The following CPNE4 variants were observed in gnomAD, a reference collection of about 807,000 sequenced individuals.
The protein encoded by CPNE4 is copine-4.
A neutral mutation model predicts 67.9 loss-of-function variants in CPNE4; 25 were observed. The ratio of observed to expected loss-of-function variants is 0.37; its 90% confidence interval spans 0.27 to 0.51. The LOEUF (loss-of-function observed/expected upper bound fraction) is 0.51. Ranked by LOEUF, CPNE4 falls within the 20% of genes least tolerant of loss-of-function variation. The pLI, the probability that CPNE4 is intolerant of heterozygous loss-of-function variation, is 0.93. For missense variants in CPNE4, 464 were observed against 690.8 expected, an observed-to-expected ratio of 0.67 and a Z score of 3.68; for synonymous variants, 242 against 244.9, an observed-to-expected ratio of 0.99 and a Z score of 0.11.
At chr3:131,895,757 T>C (rs913732836) in intron 2 of CPNE4, among the ~76,000 whole-genome samples, 1 of 152,036 alleles carries the variant, frequency 6.6e-6, no homozygotes, top group Admixed American at 6.6e-5. Context: ...AACAAATAAT[T>C]GCAGTACCTC....
At chr3:131,661,348 T>A (rs1029581843) in intron 7 of CPNE4, among the ~76,000 whole-genome samples, 3 of 152,180 alleles carry the variant, frequency 2.0e-5, no homozygotes, top group Admixed American at 6.5e-5. Context: ...GGTTCTTAAT[T>A]TCCTCACCTG....
intron 1 of CPNE4, among the ~76,000 whole-genome samples, chr3:131,908,222 G>C (rs971002663): frequency 2.6e-5 from 4 of 152,070 alleles, no homozygotes; most frequent in African/African-American, 9.7e-5. Flanking sequence ...TTCAAATACA[G>C]AAAATGCACA....
intron 1 of CPNE4, among the ~76,000 whole-genome samples, chr3:131,921,357 C>G (rs1163081302): frequency 2.0e-5 from 3 of 152,140 alleles, no homozygotes; most frequent in Non-Finnish European, 4.4e-5. Context: ...GTCATAGATA[C>G]TCTCTCTTTA....
At chr3:131,625,276 T>G (rs1314957033) in intron 7 of CPNE4, among the ~76,000 whole-genome samples, 1 of 152,212 alleles carries the variant, frequency 6.6e-6, no homozygotes, top group African/African-American at 2.4e-5. Context: ...TCATCCCTTC[T>G]CCATTCTCTC....
At chr3:131,901,347 A>G (rs982740335) in intron 2 of CPNE4, among the ~76,000 whole-genome samples, 4 of 152,072 alleles carry the variant, frequency 2.6e-5, no homozygotes, top group Non-Finnish European at 5.9e-5. Context: ...AACTGTCACC[A>G]TATATTGCCA....
At chr3:131,830,935 CT>C (rs1163429308) in intron 2 of CPNE4, among the ~76,000 whole-genome samples, 1 of 151,996 alleles carries the variant, frequency 6.6e-6, no homozygotes, top group Non-Finnish European at 1.5e-5. Flanking sequence ...AAAGTCTTCC[CT>C]GAGGTTAACT....
intron 2 of CPNE4, among the ~76,000 whole-genome samples, chr3:131,779,739 A>G (rs1583185000): frequency 6.6e-6 from 1 of 152,162 alleles, no homozygotes; most frequent in African/African-American, 2.4e-5. Context: ...GCCCTAGAAG[A>G]AAACCTAGGA....
intron 2 of CPNE4, among the ~76,000 whole-genome samples, chr3:131,891,531 C>T (rs1042081744): frequency 6.6e-6 from 1 of 151,814 alleles, no homozygotes; most frequent in Non-Finnish European, 1.5e-5. Context: ...AGGTATTAAG[C>T]CTAGTACCCA....
At chr3:132,031,700 C>T (rs1036926177) in intron 1 of CPNE4, among the ~76,000 whole-genome samples, 3 of 152,110 alleles carry the variant, frequency 2.0e-5, no homozygotes, top group Non-Finnish European at 4.4e-5. Context: ...AAAGAATTTT[C>T]GAAGTGAAGT....
chr3:131,744,128 G>T (rs1247518270), intron 2 of CPNE4, among the ~76,000 whole-genome samples: 2 of 151,610 alleles, frequency 1.3e-5, no homozygotes, highest in African/African-American at 2.4e-5. Flanking sequence ...TAGCTAAAAT[G>T]ACTTTTATTT....
At chr3:131,791,340 C>A (rs1302989148) in intron 2 of CPNE4, among the ~76,000 whole-genome samples, 1 of 152,060 alleles carries the variant, frequency 6.6e-6, no homozygotes, top group East Asian at 1.9e-4. Context: ...AGTGATTCAT[C>A]AGCAAAAATT....
rs563786361 is a variant in CPNE4 at position 131,793,845 on chromosome 3, G to A, written c.181-70220C>T. 2.0e-5 allele frequency among the ~76,000 whole-genome samples: 3 copies of A among 152,288 alleles called. No individual in the cohort carries two copies. In the South Asian group the frequency reaches 6.2e-4, roughly 32 times the overall value. ...GTATACATGAGATTAGAGTCCTCAT[G>A]TCAGGAGTTACTCCTTGCATTCTCC... On this transcript the variant is annotated intron_variant, in intron 2 of 15. Transcript: ENST00000429747.
intron 2 of CPNE4, among the ~76,000 whole-genome samples, chr3:131,792,711 GTATATA>G: frequency 1.9e-5 from 2 of 103,720 alleles, no homozygotes; most frequent in Admixed American, 1.1e-4. Flanking sequence ...ACACACACGT[GTATATA>G]TGTATATATA....
intron 2 of CPNE4, among the ~76,000 whole-genome samples, chr3:131,884,594 T>C (rs543221862): frequency 9.2e-5 from 14 of 152,294 alleles, no homozygotes; most frequent in African/African-American, 2.9e-4. Flanking sequence ...GAAACTGATA[T>C]GGTTTGGCTC....
intron 2 of CPNE4, among the ~76,000 whole-genome samples, chr3:131,782,033 A>T (rs1192477592): frequency 6.6e-6 from 1 of 152,060 alleles, no homozygotes; most frequent in Admixed American, 6.6e-5. Flanking sequence ...AATATGAGAT[A>T]ATTAATAAGA....
chr3:131,724,749 C>T (rs1034567559), intron 2 of CPNE4, among the ~76,000 whole-genome samples: 5 of 152,122 alleles, frequency 3.3e-5, no homozygotes, highest in Non-Finnish European at 7.3e-5. Context: ...TCTGATGTCT[C>T]GGATGCCTCA....
intron 2 of CPNE4, among the ~76,000 whole-genome samples, chr3:131,771,626 C>T (rs918146714): frequency 6.6e-6 from 1 of 152,144 alleles, no homozygotes; most frequent in Non-Finnish European, 1.5e-5. Flanking sequence ...GAAGCAGATA[C>T]TGGTGCCATT....
At chr3:131,784,598 A>T (rs1401301154) in intron 2 of CPNE4, among the ~76,000 whole-genome samples, 1 of 152,102 alleles carries the variant, frequency 6.6e-6, no homozygotes, top group East Asian at 1.9e-4. Context: ...CTGCCTTGGG[A>T]GGGAAAATTC....
In CPNE4 at chr3:131,590,755, T is replaced by C. The variant is rs558046817; in HGVS notation, c.682-3173A>G. ...TGTAGTAAAGTCAAGCAGACAGTTA[T>C]GGAAAATTTGGTGGGATGTTTTTAA... On this transcript the variant is annotated intron_variant, in intron 7 of 15. Transcript: ENST00000429747. Among the ~76,000 whole-genome samples the C allele has an allele frequency of 6.6e-5, 10 of 152,308 alleles. No homozygotes were observed. The South Asian group carries it at 2.1e-3, about 32-fold the overall frequency.
Sources: allele counts gnomAD v4.1 joint callset (sites outside exome capture counted in the v4.1 genomes callset), GRCh38; gene constraint gnomAD v4.1.1; transcripts MANE v1.5; gene names NCBI Gene and HGNC (gene_info 2026-07-23, HGNC 2026-07-21).